PTPRT: variants seen among roughly 807,000 people sequenced by gnomAD.
PTPRT encodes the protein protein tyrosine phosphatase receptor type T.
Under a neutral mutation model 176.8 loss-of-function variants are expected in PTPRT, and 56 were observed. The ratio of observed to expected loss-of-function variants is 0.32; its 90% CI spans 0.26 to 0.40. The LOEUF is 0.40. PTPRT is among the 10% of genes least tolerant of loss of function. The pLI, the probability that PTPRT is intolerant of heterozygous loss-of-function variation, is 1.00. For missense variants in PTPRT, 1,540 were observed against 1,908.2 expected (o/e 0.81, Z 3.60); for synonymous variants, 783 against 739.0 (o/e 1.06, Z -0.96).
intron 7 of PTPRT, among the ~76,000 whole-genome samples, chr20:42,658,540 T>C (rs1027185310): frequency 6.6e-6 from 1 of 151,992 alleles, no homozygotes; most frequent in Non-Finnish European, 1.5e-5. Flanking sequence ...GAAGGCAGAG[T>C]GCTACCTCTG....
At chr20:42,357,287 A>T (rs892390224) in intron 9 of PTPRT, among the ~76,000 whole-genome samples, 1 of 152,216 alleles carries the variant, frequency 6.6e-6, no homozygotes, top group African/African-American at 2.4e-5. Flanking sequence ...CAGATACCCT[A>T]CAGCCCACGC....
chr20:42,599,687 C>A (rs2073741111), intron 7 of PTPRT, among the ~76,000 whole-genome samples: 1 of 152,134 alleles, frequency 6.6e-6, no homozygotes, highest in African/African-American at 2.4e-5. Flanking sequence ...ACTCTTTACA[C>A]AGAACTGGCC....
At chr20:42,804,982 T>A (rs1173715020) in intron 2 of PTPRT, among the ~76,000 whole-genome samples, 1 of 152,158 alleles carries the variant, frequency 6.6e-6, no homozygotes, top group Admixed American at 6.5e-5. Flanking sequence ...GACATCAACA[T>A]ATGAATTTGG....
intron 8 of PTPRT, among the ~76,000 whole-genome samples, chr20:42,471,539 G>A (rs543233065): frequency 7.2e-4 from 109 of 152,328 alleles, no homozygotes; most frequent in Middle Eastern, 3.4e-3. Context: ...CAGAAGCCAA[G>A]CTATGTCAGT....
At chr20:42,813,063 ACT>A (rs937277016) in intron 2 of PTPRT, among the ~76,000 whole-genome samples, 4 of 151,608 alleles carry the variant, frequency 2.6e-5, no homozygotes, top group Non-Finnish European at 1.5e-5. Flanking sequence ...TTCCCTCTAC[ACT>A]GTTTTTTCCA....
chr20:42,419,966 C>G (rs1001751523), intron 9 of PTPRT, among the ~76,000 whole-genome samples: 1 of 152,120 alleles, frequency 6.6e-6, no homozygotes, highest in East Asian at 1.9e-4. Context: ...TTGCTCATAA[C>G]AGCAGAAGCT....
At chr20:43,096,362 T>C (rs2012168353) in intron 1 of PTPRT, among the ~76,000 whole-genome samples, 6 of 152,186 alleles carry the variant, frequency 3.9e-5, no homozygotes, top group Admixed American at 3.3e-4. Flanking sequence ...ACAGGCTCCT[T>C]TCTTAGGAGA....
chr20:42,386,208 G>T (rs567105203), intron 9 of PTPRT, among the ~76,000 whole-genome samples: 2 of 152,182 alleles, frequency 1.3e-5, no homozygotes, highest in East Asian at 3.9e-4. Context: ...AATGGGGCTG[G>T]AGAGGTGAGC....
At chr20:42,291,987 G>A (rs955037510) in intron 12 of PTPRT, among the ~76,000 whole-genome samples, 1 of 152,062 alleles carries the variant, frequency 6.6e-6, no homozygotes, top group African/African-American at 2.4e-5. Context: ...AGAAGGTGGT[G>A]GTATAGTCGA....
chr20:42,886,790 G>C (rs1321458222), intron 1 of PTPRT, among the ~76,000 whole-genome samples: 1 of 152,200 alleles, frequency 6.6e-6, no homozygotes, highest in Non-Finnish European at 1.5e-5. Flanking sequence ...GCTCCAACTA[G>C]GAAACACTGG....
intron 27 of PTPRT, 97 bp from the exon 28 acceptor site, chr20:42,085,950 T>C: frequency 7.3e-7 from 1 of 1,378,190 alleles, no homozygotes; most frequent in East Asian, 2.4e-5. Context: ...TTTTTTCTTT[T>C]TCTTTTTTTT....
intron 2 of PTPRT, among the ~76,000 whole-genome samples, chr20:42,872,395 G>C (rs2078860086): frequency 6.6e-6 from 1 of 152,236 alleles, no homozygotes; most frequent in Non-Finnish European, 1.5e-5. Flanking sequence ...GGATGCGTGA[G>C]AACAGAGTAC....
intron 7 of PTPRT, among the ~76,000 whole-genome samples, chr20:42,604,641 G>A (rs543888714): frequency 1.3e-5 from 2 of 152,164 alleles, no homozygotes; most frequent in Non-Finnish European, 2.9e-5. Flanking sequence ...ATCCACTAGG[G>A]AGCTAGGTGG....
intron 1 of PTPRT, among the ~76,000 whole-genome samples, chr20:43,178,274 G>A (rs1411796824): frequency 2.0e-5 from 3 of 152,214 alleles, no homozygotes; most frequent in Non-Finnish European, 2.9e-5. Context: ...ACTGGAGCCA[G>A]CTGAGACACA....
In PTPRT at chr20:42,081,887, T is replaced by A. The variant is rs1485757323; in HGVS notation, c.4267A>T (p.Thr1423Ser). 1 of 1,614,206 alleles carries A rather than the reference T, an allele frequency of 6.2e-7. No individual in the cohort carries two copies. Among genetic ancestry groups the A allele is most frequent in the Non-Finnish European group, 8.5e-7 (1 of 1,180,032 alleles). The stretch of plus-strand genomic sequence containing the variant: ...ACAGTCCTTGGGATACTCACCAGGG[T>A]CTCCACCATGTTGGATTTGTTGTTA... ...LRNNKSNMVE[T>S]LEQYKFVYEV... Residue 1423 changes from threonine (T) to serine (S), a missense_variant, in exon 30 of 31, where the codon ACC (threonine) becomes TCC (serine). Thr to Ser is a moderately conservative substitution (Grantham distance 58, BLOSUM62 1). Transcript: ENST00000373187.
chr20:42,054,134 C>T, the PTPRT span, among the ~76,000 whole-genome samples: 1 of 152,020 alleles, frequency 6.6e-6, no homozygotes, highest in Non-Finnish European at 1.5e-5. Flanking sequence ...TTCTCATGGC[C>T]CAACATGAAT....
chr20:42,643,572 C>A (rs1052052052), intron 7 of PTPRT, among the ~76,000 whole-genome samples: 2 of 151,298 alleles, frequency 1.3e-5, no homozygotes, highest in African/African-American at 2.5e-5. Context: ...CCAACTTGGC[C>A]TCCTAAAGCA....
chr20:43,066,008 A>G (rs145773355), intron 1 of PTPRT, among the ~76,000 whole-genome samples: 13 of 152,256 alleles, frequency 8.5e-5, no homozygotes, highest in African/African-American at 2.4e-4. Flanking sequence ...ATATACCCCT[A>G]TATCTGCAAA....
At chr20:42,809,432 C>T (rs958009883) in intron 2 of PTPRT, among the ~76,000 whole-genome samples, 3 of 152,158 alleles carry the variant, frequency 2.0e-5, no homozygotes, top group African/African-American at 7.2e-5. Flanking sequence ...GCAGGGATAA[C>T]CAATCCAGAA....
Sources: gnomAD v4.1 joint callset for allele counts (sites outside exome capture counted in the v4.1 genomes callset) on GRCh38, gnomAD v4.1.1 for gene constraint, MANE v1.5 for transcripts, NCBI Gene and HGNC (gene_info 2026-07-23, HGNC 2026-07-21) for gene names.